Variants in CPT1A observed in about 807,000 individuals in gnomAD.
CPT1A encodes carnitine O-palmitoyltransferase 1, liver isoform.
A neutral mutation model predicts 100.8 loss-of-function variants in CPT1A; 64 were observed. The observed-to-expected ratio is 0.63, with a 90% CI of 0.52 to 0.78. The LOEUF (loss-of-function observed/expected upper bound fraction) is 0.78, where lower values mean the gene tolerates loss of function less well. Among genes scored for constraint, CPT1A ranks in the 30% least tolerant of loss-of-function variants. CPT1A has a pLI of 0.00. For missense variants in CPT1A, 802 were observed against 1,034.1 expected, an observed-to-expected ratio of 0.78 and a Z score of 3.08; for synonymous variants, 363 against 396.0, an observed-to-expected ratio of 0.92 and a Z score of 0.99.
At chr11:68,773,167 G>A (rs954420978) in intron 14 of CPT1A, 98 bp downstream of exon 14, 13 of 1,579,322 alleles carry the variant, frequency 8.2e-6, no homozygotes, top group African/African-American at 6.7e-5. Context: ...CTCCTATGCC[G>A]GGTTTCGGGC....
intron 5 of CPT1A, among the ~76,000 whole-genome samples, chr11:68,802,941 T>C (rs1409898847): frequency 1.4e-5 from 2 of 143,840 alleles, no homozygotes; most frequent in African/African-American, 2.6e-5. Flanking sequence ...AAGAAATGAG[T>C]AGCTTTGAGG....
chr11:68,801,557 G>A (rs1391788524), intron 5 of CPT1A, among the ~76,000 whole-genome samples: 1 of 151,810 alleles, frequency 6.6e-6, no homozygotes, highest in East Asian at 1.9e-4. Context: ...TTGAACTTGG[G>A]AGATAGAGGC....
At position 68,757,697 on chromosome 11, in the gene CPT1A, C is replaced by G; in HGVS notation, c.2269G>C (p.Ala757Pro). 1 of 1,614,146 alleles carries G rather than the reference C, an allele frequency of 6.2e-7. No homozygotes were observed. The highest frequency in any genetic ancestry group is 1.3e-5 in the African/African-American group (1 of 75,040). ...AACAAAGTGATGATGTCAGTCATTG[C>G]TTCTTTCAGGTGCCTTCCAAAGCGA... is the stretch of plus-strand genomic sequence containing the variant. ...SHRFGRHLKE[A>P]MTDIITLFGL... Residue 757 changes from alanine to proline, a missense_variant, in exon 19 of 19, where the codon GCA becomes CCA. This residue lies in a region of CPT1A where 627 missense variants were observed against 799.3 expected (regional missense o/e 0.78). Coordinates refer to ENST00000265641, the MANE Select transcript of CPT1A (RefSeq NM_001876.4).
intron 2 of CPT1A, 30 bp downstream of exon 2, chr11:68,815,304 C>G: frequency 6.2e-7 from 1 of 1,611,540 alleles, no homozygotes; most frequent in Non-Finnish European, 8.5e-7. Flanking sequence ...AAAAGGCATA[C>G]TGTGTAGATT....
rs1857156000 is a variant in CPT1A, at chr11:68,841,383, C to T, written c.-14+392G>A. On this transcript the variant is annotated intron_variant, in intron 1 of 18. Coordinates refer to ENST00000265641, the MANE Select transcript of CPT1A (RefSeq NM_001876.4). This position sits in a 1 kb window ranked among gnomAD's most constrained non-coding sequence, Gnocchi z 6.3. ...GCTGACCGACCCCTGGGCAGACCCT[C>T]AGACTCAATCCAGTCCAGGGCGGAT... 6.6e-6 allele frequency among the ~76,000 whole-genome samples: 1 copy of T among 151,844 alleles called. No individual in the cohort carries two copies. The highest frequency in any genetic ancestry group is 2.4e-5 in the African/African-American group (1 of 41,336).
intron 8 of CPT1A, 31 bp from the exon 9 acceptor site, chr11:68,793,433 C>A: frequency 6.4e-7 from 1 of 1,555,756 alleles, no homozygotes. Context: ...AAACCAACAA[C>A]GAAAATCCCA....
chr11:68,773,471 A>G (rs1261694998), intron 13 of CPT1A, 42 bp from the exon 14 acceptor site: 1 of 1,613,582 alleles, frequency 6.2e-7, no homozygotes, highest in African/African-American at 1.3e-5. Flanking sequence ...ACGAGGGGAG[A>G]AAAGTACTGA....
At chr11:68,790,560 A>T (rs1176146688) in intron 9 of CPT1A, among the ~76,000 whole-genome samples, 1 of 152,176 alleles carries the variant, frequency 6.6e-6, no homozygotes, top group African/African-American at 2.4e-5. Context: ...GGACCCCCCC[A>T]GAAGCTGGAA....
chr11:68,794,123 G>A (rs1855692395), intron 8 of CPT1A, among the ~76,000 whole-genome samples: 1 of 152,142 alleles, frequency 6.6e-6, no homozygotes, highest in Non-Finnish European at 1.5e-5. Context: ...GAGACACAAG[G>A]AGAATTACAT....
intron 3 of CPT1A, 117 bp from the exon 4 acceptor site, chr11:68,807,755 C>T (rs754236176): frequency 1.5e-5 from 15 of 1,001,052 alleles, no homozygotes; most frequent in Non-Finnish European, 1.8e-5. Context: ...GCCCCAGGTA[C>T]AGCCGGGAAA....
intron 1 of CPT1A, among the ~76,000 whole-genome samples, chr11:68,821,444 C>T (rs1209069439): frequency 2.0e-5 from 3 of 152,228 alleles, no homozygotes; most frequent in Non-Finnish European, 2.9e-5. Context: ...TGAGCCACCG[C>T]GCCCGGCCTA....
rs1177538872 is a variant in CPT1A at position 68,815,490 on chromosome 11, G to C, written c.-13-3C>G. The C allele has an allele frequency of 1.2e-6, 2 of 1,613,628 alleles. No individual in the cohort carries two copies. The highest frequency in any genetic ancestry group is 2.7e-5 in the African/African-American group (2 of 74,910). ...CTTCTGCCATCTTCAGAGAGTACCT[G>C]GAAGGAGAAGGAGAAAATGTAACAC... On this transcript the variant is annotated splice_region_variant and splice_polypyrimidine_tract_variant and intron_variant, in intron 1 of 18. Transcript: ENST00000265641.
chr11:68,805,671 C>T (rs542282635), intron 4 of CPT1A, among the ~76,000 whole-genome samples: 36 of 152,288 alleles, frequency 2.4e-4, no homozygotes, highest in South Asian at 4.1e-4. Context: ...CCCACGGCTT[C>T]GTATACACCG....
intron 10 of CPT1A, 100 bp downstream of exon 10, chr11:68,784,715 C>A: frequency 8.4e-7 from 1 of 1,189,178 alleles, no homozygotes; most frequent in Non-Finnish European, 1.2e-6. Flanking sequence ...GTGGGGAGTC[C>A]CGTGCCAGGA....
intron 18 of CPT1A, 41 bp from the exon 19 acceptor site, chr11:68,757,771 G>A (rs1946719636): frequency 6.5e-7 from 1 of 1,540,016 alleles, no homozygotes; most frequent in Admixed American, 1.7e-5. Flanking sequence ...ATTAAAACGT[G>A]GCCATCCCCA....
chr11:68,758,166 G>C (rs974322019), intron 18 of CPT1A, among the ~76,000 whole-genome samples: 1 of 152,146 alleles, frequency 6.6e-6, no homozygotes, highest in African/African-American at 2.4e-5. Flanking sequence ...TACTCAGGAG[G>C]CTGAAGTAGG....
chr11:68,754,691 G>A, downstream of CPT1A: 2 of 712,988 alleles, frequency 2.8e-6, no homozygotes, highest in Non-Finnish European at 2.7e-6. Flanking sequence ...CAATGGAATG[G>A]ATGAATAAAT....
intron 16 of CPT1A, 72 bp downstream of exon 16, chr11:68,761,463 T>G: frequency 6.6e-7 from 1 of 1,525,482 alleles, no homozygotes; most frequent in Admixed American, 1.7e-5. Context: ...AATATGTTCA[T>G]GCAAGGCTGT....
intron 8 of CPT1A, among the ~76,000 whole-genome samples, chr11:68,794,308 T>G (rs1855697764): frequency 6.6e-6 from 1 of 152,174 alleles, no homozygotes. Flanking sequence ...GCAGAGGGGT[T>G]TTCGGGTTGA....
Sources: allele counts gnomAD v4.1 joint callset (sites outside exome capture counted in the v4.1 genomes callset), GRCh38; gene constraint gnomAD v4.1.1; regional missense constraint gnomAD v4.1.1; non-coding constraint Gnocchi (gnomAD v3.1); transcripts MANE v1.5; gene names NCBI Gene and HGNC (gene_info 2026-07-23, HGNC 2026-07-21).